Variants in TDRD12 observed in about 807,000 individuals in gnomAD.
The protein encoded by TDRD12 is putative ATP-dependent RNA helicase TDRD12.
Under a neutral mutation model 133.5 loss-of-function variants are expected in TDRD12, and 158 were observed. The observed-to-expected ratio is 1.18, with a 90% CI of 1.04 to 1.35. The LOEUF (loss-of-function observed/expected upper bound fraction) is 1.35. TDRD12 is among the 40% of genes most tolerant of loss of function. TDRD12 has a pLI of 0.00. For missense variants in TDRD12, 1,443 were observed against 1,321.3 expected, an observed-to-expected ratio of 1.09 and a Z score of -1.43; for synonymous variants, 460 against 477.9, an observed-to-expected ratio of 0.96 and a Z score of 0.49.
intron 11 of TDRD12, among the ~76,000 whole-genome samples, chr19:32,786,396 T>C (rs1318923045): frequency 6.6e-6 from 1 of 152,168 alleles, no homozygotes; most frequent in Non-Finnish European, 1.5e-5. Context: ...CTGACAATTG[T>C]GTGTCTTGGG....
chr19:32,803,249 C>T, intron 21 of TDRD12, 107 bp downstream of exon 21: 1 of 834,272 alleles, frequency 1.2e-6, no homozygotes, highest in Non-Finnish European at 1.8e-6. Context: ...ACCACCCACT[C>T]TGAGGGAGCA....
intron 8 of TDRD12, among the ~76,000 whole-genome samples, chr19:32,767,674 T>TG (rs1201641360): frequency 2.0e-5 from 3 of 152,096 alleles, no homozygotes; most frequent in East Asian, 1.9e-4. Context: ...TCCAGCTAGC[T>TG]GGGGGGCAGG....
Position 32,719,869 on chromosome 19 carries a change from G to T in TDRD12, c.-204G>T, listed in dbSNP as rs1416809267. 6.4e-6 allele frequency: 4 copies of T among 622,952 alleles called. No homozygotes were observed. The East Asian group carries it at 1.1e-4, about 17-fold the overall frequency. 38.6% of individuals were successfully genotyped at this position (622,952 alleles called of 1,614,324 possible). A position where few individuals can be genotyped will look rare whatever the true frequency, so the allele number is the denominator to read the frequency against. On this transcript the variant is annotated 5_prime_UTR_variant, in exon 1 of 28. Transcript: ENST00000444215. The stretch of plus-strand genomic sequence containing the variant: ...GGTTACTGCCAGGACGGAGCGCATT[G>T]CCTCGAGCCGACCCCGGGGTCCGCG...
chr19:32,816,551 A>AT (rs1967187481), intron 26 of TDRD12, among the ~76,000 whole-genome samples: 1 of 152,206 alleles, frequency 6.6e-6, no homozygotes, highest in Non-Finnish European at 1.5e-5. Flanking sequence ...GACTGGGGAA[A>AT]TTTCCAGTTT....
chr19:32,820,908 T>C, intron 27 of TDRD12, 125 bp from the exon 28 acceptor site: 3 of 680,010 alleles, frequency 4.4e-6, no homozygotes, highest in Non-Finnish European at 4.9e-6. Flanking sequence ...TTAAATGTCA[T>C]AAGCTCTACG....
intron 4 of TDRD12, among the ~76,000 whole-genome samples, chr19:32,743,543 G>A (rs1969499760): frequency 6.6e-6 from 1 of 151,918 alleles, no homozygotes. Flanking sequence ...CCACTGTGCT[G>A]GGCCCATGGA....
At chr19:32,760,820 C>T (rs1158354251) in intron 8 of TDRD12, among the ~76,000 whole-genome samples, 1 of 152,166 alleles carries the variant, frequency 6.6e-6, no homozygotes, top group Non-Finnish European at 1.5e-5. Context: ...TCCATCTTCT[C>T]AATAAATTTT....
intron 14 of TDRD12, among the ~76,000 whole-genome samples, chr19:32,796,374 A>G (rs1353980421): frequency 6.6e-6 from 1 of 152,026 alleles, no homozygotes; most frequent in Non-Finnish European, 1.5e-5. Context: ...GGATCACGAG[A>G]TCGAGATCGA....
intron 21 of TDRD12, among the ~76,000 whole-genome samples, chr19:32,806,139 G>C (rs933274243): frequency 2.0e-5 from 3 of 152,148 alleles, no homozygotes; most frequent in Non-Finnish European, 4.4e-5. Flanking sequence ...TGGGTACCTT[G>C]ACAGTCATGG....
At chr19:32,797,744 G>C in exon 15 of TDRD12, 1 of 689,096 alleles carries the variant, frequency 1.5e-6, no homozygotes, top group Non-Finnish European at 2.6e-6. Context: ...GCCTCTCGCA[G>C]TCATCGTGTG....
exon 11 of TDRD12, chr19:32,777,223 G>A (rs1406525611): frequency 1.1e-5 from 17 of 1,523,604 alleles, no homozygotes; most frequent in Non-Finnish European, 1.4e-5. Flanking sequence ...AAGAATAGCT[G>A]TGTGAAGTAA....
chr19:32,781,814 C>G (rs1970775315), intron 11 of TDRD12, among the ~76,000 whole-genome samples: 1 of 152,012 alleles, frequency 6.6e-6, no homozygotes, highest in African/African-American at 2.4e-5. Flanking sequence ...GTGGACACTT[C>G]CAGTGTGTAG....
chr19:32,801,051 T>C (rs561711643), intron 18 of TDRD12, among the ~76,000 whole-genome samples: 245 of 152,116 alleles, frequency 1.6e-3, no homozygotes, highest in African/African-American at 5.8e-3. Flanking sequence ...TATCAATTTA[T>C]AGACATGACA....
At chr19:32,801,759 G>A in exon 19 of TDRD12, 1 of 1,319,972 alleles carries the variant, frequency 7.6e-7, no homozygotes, top group South Asian at 1.4e-5. Flanking sequence ...TCTTTAGGTA[G>A]TAGAAAGCAG....
At chr19:32,735,382 G>A (rs1236340536) in intron 2 of TDRD12, among the ~76,000 whole-genome samples, 1 of 152,204 alleles carries the variant, frequency 6.6e-6, no homozygotes, top group African/African-American at 2.4e-5. Context: ...GCCAAAGCCT[G>A]ATCCAGAGCA....
intron 7 of TDRD12, 60 bp from the exon 8 acceptor site, chr19:32,756,978 C>T (rs1970012863): frequency 3.5e-6 from 5 of 1,413,324 alleles, no homozygotes; most frequent in Non-Finnish European, 4.9e-6. Context: ...CTAACGAGTT[C>T]ACATTTTTAT....
chr19:32,755,623 T>C (rs930972325), intron 6 of TDRD12, among the ~76,000 whole-genome samples: 1 of 152,240 alleles, frequency 6.6e-6, no homozygotes, highest in African/African-American at 2.4e-5. Context: ...CTCATCTGTT[T>C]ATTCTCTTGA....
intron 9 of TDRD12, chr19:32,826,701 G>A: frequency 1.1e-5 from 14 of 1,232,358 alleles, no homozygotes; most frequent in Non-Finnish European, 1.3e-5. Flanking sequence ...CGTGGCTTTT[G>A]ATTTTGATCA....
At chr19:32,822,329 G>T (rs941107535), downstream of TDRD12, among the ~76,000 whole-genome samples, 1 of 152,198 alleles carries the variant, frequency 6.6e-6, no homozygotes, top group African/African-American at 2.4e-5. Context: ...CTACTTGGGA[G>T]GCTGAGGCAA....
Sources: gnomAD v4.1 joint callset for allele counts (sites outside exome capture counted in the v4.1 genomes callset) on GRCh38, gnomAD v4.1.1 for gene constraint, MANE v1.5 for transcripts, NCBI Gene and HGNC (gene_info 2026-07-23, HGNC 2026-07-21) for gene names.